The following AAR2 variants were observed in gnomAD, a reference collection of about 807,000 sequenced individuals.
The protein encoded by AAR2 is protein AAR2 homolog.
Under a neutral mutation model 26.9 loss-of-function variants are expected in AAR2, and 31 were observed. That is an observed-to-expected ratio of 1.15 (90% CI 0.86 to 1.55). AAR2 has a LOEUF of 1.55. AAR2 is among the 40% of genes most tolerant of loss of function. The probability of loss-of-function intolerance (pLI) is 0.00; values close to 1 mark genes in which losing one functional copy is unlikely to be tolerated. For synonymous variants in AAR2, 188 were observed against 196.1 expected, an observed-to-expected ratio of 0.96 and a Z score of 0.34; for missense variants, 430 against 491.3, an observed-to-expected ratio of 0.88 and a Z score of 1.18.
chr20:36,255,283 C>T (rs1230414388), intron 3 of AAR2, among the ~76,000 whole-genome samples: 1 of 152,234 alleles, frequency 6.6e-6, no homozygotes, highest in African/African-American at 2.4e-5. Flanking sequence ...ACTACCTGTT[C>T]CTCTGGGTTA....
chr20:36,255,797 C>T lies in AAR2; in HGVS notation c.*52C>T. The T allele has an allele frequency of 6.3e-7, 1 of 1,595,854 alleles. No individual in the cohort carries two copies. Among genetic ancestry groups the T allele is most frequent in the South Asian group, 1.1e-5 (1 of 89,116 alleles). On this transcript the variant is annotated 3_prime_UTR_variant, in exon 4 of 4. Transcript: ENST00000320849. Reference sequence around the variant, plus strand: ...GGCCCCTTCCCACAGGGCTGCAGTCCTGGCCTCTCCATTTACTTCTTCCCA... The same window carrying T: ...GGCCCCTTCCCACAGGGCTGCAGTCTTGGCCTCTCCATTTACTTCTTCCCA...
chr20:36,255,428 G>T (rs1021770925), intron 3 of AAR2, 150 bp from the exon 4 acceptor site: 2 of 862,990 alleles, frequency 2.3e-6, no homozygotes, highest in Admixed American at 2.2e-5. Context: ...TTCTTGGTTT[G>T]GGGGGAGCAT....
chr20:36,256,688 G>A lies in AAR2; in HGVS notation c.*943G>A, dbSNP rs148113773. On this transcript the variant is annotated 3_prime_UTR_variant, in exon 4 of 4. Transcript: ENST00000320849. ...CAGTCACCGGAGTAATGAGCTCCTGGTTCCTCGGGAGTCCTTCGTGCTGTG... is the reference window on the plus strand; with the variant it reads ...CAGTCACCGGAGTAATGAGCTCCTGATTCCTCGGGAGTCCTTCGTGCTGTG... The A allele has an allele frequency of 6.6e-6, 1 of 152,576 alleles. No individual in the cohort carries two copies. The highest frequency in any genetic ancestry group is 1.5e-5 in the Non-Finnish European group (1 of 68,050). The allele number at this position is 152,576 out of a possible 1,614,324, so 9.5% of individuals were successfully genotyped here.
chr20:36,252,847 T>A (rs1371427056), intron 3 of AAR2, among the ~76,000 whole-genome samples: 5 of 152,104 alleles, frequency 3.3e-5, no homozygotes, highest in Non-Finnish European at 7.4e-5. Flanking sequence ...AGAGAAGGCT[T>A]CTGTGCTGTC....
rs1177521082 is a variant in AAR2 at position 36,248,882 on chromosome 20, C to CT, written c.987+3971dup. Among the ~76,000 whole-genome samples, 309 of 141,932 alleles carry CT rather than the reference C, an allele frequency of 2.2e-3. 1 individual carries two copies. Among genetic ancestry groups the CT allele is most frequent in the South Asian group, 5.0e-3 (22 of 4,394 alleles). The allele number at this position is 141,932 out of a possible 152,430, so 93.1% of individuals were successfully genotyped here. A position where few individuals can be genotyped will look rare whatever the true frequency, so the allele number is the denominator to read the frequency against. On this transcript the variant is annotated intron_variant, in intron 3 of 3. Transcript: ENST00000320849. ...CAATGTGGAGAAGGATATTGTAAAA[C>CT]TTTTTTTTTTTTTTTAATGGAGAGT...
At chr20:36,242,186 C>T (rs1361723551) in intron 2 of AAR2, among the ~76,000 whole-genome samples, 1 of 125,770 alleles carries the variant, frequency 8.0e-6, no homozygotes, top group Non-Finnish European at 1.6e-5. Flanking sequence ...TTCGCTGTGT[C>T]GCCCAGGGTG....
At chr20:36,239,248 T>G (rs2064650263) in intron 1 of AAR2, among the ~76,000 whole-genome samples, 1 of 152,154 alleles carries the variant, frequency 6.6e-6, no homozygotes, top group Non-Finnish European at 1.5e-5. Context: ...GTAGGAAAGC[T>G]CTCTAGACCC....
Position 36,240,561 on chromosome 20 carries a change from C to T in AAR2, c.693C>T (p.Asp231=). The part of the protein sequence containing the change: ...TPAEITKHSM[D]LSYALETVLN... ...CTGAGATAACCAAGCACAGCATGGA[C>T]CTGAGCTATGCCCTGGAGACTGTGC... The change falls in exon 2 of 4, where the codon GAC becomes GAT. Residue 231 remains aspartate, a synonymous_variant. Coordinates refer to ENST00000320849, the MANE Select transcript of AAR2 (RefSeq NM_001271874.2). 2 of 1,613,732 alleles carry T rather than the reference C, an allele frequency of 1.2e-6. No homozygotes were observed. The highest frequency in any genetic ancestry group is 1.7e-6 in the Non-Finnish European group (2 of 1,180,040).
chr20:36,249,775 G>C (rs2064767168), intron 3 of AAR2, among the ~76,000 whole-genome samples: 2 of 152,190 alleles, frequency 1.3e-5, no homozygotes, highest in Non-Finnish European at 2.9e-5. Context: ...AATCAACAGA[G>C]CTAGTGAAAG....
chr20:36,244,250 T>C (rs2064711504), intron 2 of AAR2, among the ~76,000 whole-genome samples: 1 of 152,166 alleles, frequency 6.6e-6, no homozygotes, highest in African/African-American at 2.4e-5. Context: ...GGGAGCTTGT[T>C]AGAGCTACAG....
At chr20:36,246,235 G>A (rs2064733645) in intron 3 of AAR2, among the ~76,000 whole-genome samples, 1 of 152,166 alleles carries the variant, frequency 6.6e-6, no homozygotes, top group Non-Finnish European at 1.5e-5. Flanking sequence ...AAGGATTCTT[G>A]ATTGACATCA....
intron 3 of AAR2, among the ~76,000 whole-genome samples, chr20:36,249,156 C>A (rs1167407364): frequency 2.0e-5 from 3 of 152,082 alleles, no homozygotes; most frequent in African/African-American, 7.2e-5. Flanking sequence ...TAAAATCAGC[C>A]GCGTAATGGA....
Position 36,240,521 on chromosome 20 carries a change from A to C in AAR2, c.653A>C (p.Glu218Ala), listed in dbSNP as rs1324161571. Reference sequence around the variant, plus strand: ...GAGCTGCCCACGCAGATGTTCCCAGAGGGTGCCACGCCAGCTGAGATAACC... The same window carrying C: ...GAGCTGCCCACGCAGATGTTCCCAGCGGGTGCCACGCCAGCTGAGATAACC... ...FSELPTQMFP[E>A]GATPAEITKH... Residue 218 changes from glutamate to alanine, a missense_variant, in exon 2 of 4, where the codon GAG becomes GCG. Coordinates refer to ENST00000320849, the MANE Select transcript of AAR2 (RefSeq NM_001271874.2). 2 of 1,614,040 alleles carry C rather than the reference A, an allele frequency of 1.2e-6. No individual in the cohort carries two copies. The highest frequency in any genetic ancestry group is 1.7e-6 in the Non-Finnish European group (2 of 1,180,040).
In AAR2 at chr20:36,255,744, A is replaced by C. The variant is rs370822975; in HGVS notation, c.1154A>C (p.Ter385SerextTer64). ...VELPEGIEMG[*>S] ...CTCCCTGAGGGCATCGAGATGGGCTAACTCGGGGAGCGCTCTCAGCTGCGA... is the reference window on the plus strand; with the variant it reads ...CTCCCTGAGGGCATCGAGATGGGCTCACTCGGGGAGCGCTCTCAGCTGCGA... The change falls in exon 4 of 4, where the codon TAA becomes TCA. Residue 385 changes from the stop codon to serine (S), a stop_lost. Coordinates refer to ENST00000320849, the MANE Select transcript of AAR2 (RefSeq NM_001271874.2). The C allele has an allele frequency of 5.6e-5, 90 of 1,613,966 alleles. No individual in the cohort carries two copies. The highest frequency in any genetic ancestry group is 2.8e-4 in the Admixed American group (17 of 59,994).
chr20:36,239,801 C>G lies in AAR2; in HGVS notation c.-48-20C>G, dbSNP rs1413724122. The G allele has an allele frequency of 2.7e-6, 4 of 1,502,242 alleles. No individual in the cohort carries two copies. In the South Asian group the frequency reaches 5.5e-5, roughly 20 times the overall value. 93.1% of individuals were successfully genotyped at this position (1,502,242 alleles called of 1,614,324 possible). On this transcript the variant is annotated intron_variant, in intron 1 of 3. Transcript: ENST00000320849. Reference sequence around the variant, plus strand: ...TCTTTCCCCCACGTTCTGATTAACTCTGGTTTCTTTCTTTCTCAGCTGTTC... The same window carrying G: ...TCTTTCCCCCACGTTCTGATTAACTGTGGTTTCTTTCTTTCTCAGCTGTTC...
intron 1 of AAR2, among the ~76,000 whole-genome samples, chr20:36,237,724 C>G (rs1156600808): frequency 2.7e-5 from 4 of 149,898 alleles, no homozygotes; most frequent in South Asian, 2.1e-4. Flanking sequence ...TTTCTGAATT[C>G]AGGATTACAA....
rs1302121890 is a variant in AAR2, at chr20:36,239,999, A to G, written c.131A>G (p.Lys44Arg). ...TATAACTCCTGGGAGGTCGGGCCCA[A>G]GTTCCGGGGCGTGAAGATGATCCCT... ...IDYNSWEVGP[K>R]FRGVKMIPPG... The change falls in exon 2 of 4, where the codon AAG (lysine) becomes AGG (arginine). Residue 44 changes from lysine to arginine, a missense_variant. Lys to Arg is a conservative substitution (Grantham distance 26). Coordinates refer to ENST00000320849, the MANE Select transcript of AAR2 (RefSeq NM_001271874.2). 1.2e-6 allele frequency: 2 copies of G among 1,614,218 alleles called. No homozygotes were observed. The highest frequency in any genetic ancestry group is 1.1e-5 in the South Asian group (1 of 91,082).
intron 3 of AAR2, among the ~76,000 whole-genome samples, chr20:36,249,518 A>T (rs1333536008): frequency 6.6e-6 from 1 of 152,192 alleles, no homozygotes; most frequent in Non-Finnish European, 1.5e-5. Context: ...TGTTGCTAGT[A>T]TTCTAAATGT....
At chr20:36,237,750 G>GTAGTATTAT (rs2064627228) in intron 1 of AAR2, among the ~76,000 whole-genome samples, 1 of 139,052 alleles carries the variant, frequency 7.2e-6, no homozygotes, top group Non-Finnish European at 1.5e-5. Context: ...AAGATGATAC[G>GTAGTATTAT]TATTATTATT....
Sources: allele counts gnomAD v4.1 joint callset (sites outside exome capture counted in the v4.1 genomes callset), GRCh38; gene constraint gnomAD v4.1.1; transcripts MANE v1.5; gene names NCBI Gene and HGNC (gene_info 2026-07-23, HGNC 2026-07-21).